IGFL2: variants seen among roughly 807,000 people sequenced by gnomAD.
IGFL2 encodes the protein IGF like family member 2.
A neutral mutation model predicts 13.9 loss-of-function variants in IGFL2; 7 were observed. The observed-to-expected ratio is 0.51, with a 90% CI of 0.29 to 0.95. The LOEUF is 0.95. Among genes scored for constraint, IGFL2 ranks in the 40% least tolerant of loss-of-function variants. The pLI is 0.08. For synonymous variants in IGFL2, 55 were observed against 55.8 expected, an observed-to-expected ratio of 0.99 and a Z score of 0.07; for missense variants, 138 against 147.8, an observed-to-expected ratio of 0.93 and a Z score of 0.34.
the IGFL2 span, among the ~76,000 whole-genome samples, chr19:46,185,966 G>T: frequency 1.3e-5 from 2 of 152,064 alleles, no homozygotes; most frequent in Non-Finnish European, 2.9e-5. Context: ...GGCTATGGTG[G>T]GCGTCATCGG....
chr19:46,095,003 T>C, the IGFL2 span, among the ~76,000 whole-genome samples: 1 of 152,220 alleles, frequency 6.6e-6, no homozygotes, highest in Non-Finnish European at 1.5e-5. Flanking sequence ...TGTGCATGTA[T>C]CTTTATAATA....
chr19:46,121,516 T>G, the IGFL2 span, among the ~76,000 whole-genome samples: 2,094 of 147,658 alleles, frequency 0.014, 74 homozygotes, highest in Non-Finnish European at 0.025. Context: ...CTGAGAGGAG[T>G]AGTATTTTCT....
the IGFL2 span, among the ~76,000 whole-genome samples, chr19:46,117,610 C>G: frequency 6.6e-6 from 1 of 152,114 alleles, no homozygotes; most frequent in Non-Finnish European, 1.5e-5. Flanking sequence ...TCTCAAGTAG[C>G]TGGGACTACA....
chr19:46,171,519 G>A, the IGFL2 span, among the ~76,000 whole-genome samples: 1 of 152,148 alleles, frequency 6.6e-6, no homozygotes, highest in Non-Finnish European at 1.5e-5. Context: ...TCAGAGTATT[G>A]TGTCTTATTT....
At chr19:46,151,864 A>G (rs993375790) in intron 1 of IGFL2, among the ~76,000 whole-genome samples, 1 of 152,190 alleles carries the variant, frequency 6.6e-6, no homozygotes, top group Admixed American at 6.5e-5. Context: ...GTGAGTCATG[A>G]TCACGCCACT....
downstream of IGFL2, among the ~76,000 whole-genome samples, chr19:46,164,368 C>A (rs564304249): frequency 6.6e-6 from 1 of 152,204 alleles, no homozygotes; most frequent in Non-Finnish European, 1.5e-5. Context: ...ACCTCTTCTG[C>A]CCCCAGTCAG....
chr19:46,116,447 A>C, the IGFL2 span, among the ~76,000 whole-genome samples: 2 of 152,264 alleles, frequency 1.3e-5, no homozygotes, highest in Admixed American at 1.3e-4. Context: ...TCTAGCAAAT[A>C]AGAACAATGT....
the IGFL2 span, chr19:46,124,494 C>G: frequency 8.7e-7 from 1 of 1,152,174 alleles, no homozygotes; most frequent in East Asian, 2.4e-5. Context: ...GCTCAGTCAC[C>G]CTTTGAGGTG....
At chr19:46,081,500 T>G in the IGFL2 span, among the ~76,000 whole-genome samples, 2 of 152,210 alleles carry the variant, frequency 1.3e-5, no homozygotes, top group Non-Finnish European at 2.9e-5. Context: ...AATCCAGAAT[T>G]CAGTGTTGCA....
Position 46,158,259 on chromosome 19 carries a change from G to A in IGFL2, c.20-2156G>A, listed in dbSNP as rs533220697. 9.9e-4 allele frequency among the ~76,000 whole-genome samples: 150 copies of A among 152,182 alleles called. 1 individual carries two copies. The highest frequency in any genetic ancestry group is 3.5e-3 in the African/African-American group (145 of 41,524). Reference sequence around the variant, plus strand: ...GTGTCACTCTGTCACCTAGACAGGAGTGCAGTGGCGCGATCTTGGCTCACT... The same window carrying A: ...GTGTCACTCTGTCACCTAGACAGGAATGCAGTGGCGCGATCTTGGCTCACT... On this transcript the variant is annotated intron_variant, in intron 1 of 3. Transcript: ENST00000377693.
chr19:46,113,647 A>G, the IGFL2 span: 1 of 253,210 alleles, frequency 3.9e-6, no homozygotes, highest in South Asian at 5.6e-5. Flanking sequence ...CTGTATGAAA[A>G]CCAGCTTTAC....
the IGFL2 span, among the ~76,000 whole-genome samples, chr19:46,202,101 A>G: frequency 5.3e-5 from 8 of 152,104 alleles, no homozygotes; most frequent in African/African-American, 1.4e-4. Flanking sequence ...AGAAGATTTA[A>G]AGGACTCAGA....
the IGFL2 span, among the ~76,000 whole-genome samples, chr19:46,105,577 C>T: frequency 1.3e-4 from 20 of 152,144 alleles, 1 homozygote; most frequent in South Asian, 2.3e-3. Flanking sequence ...GATTGAAGTC[C>T]GGGCCAGGAA....
intron 1 of IGFL2, among the ~76,000 whole-genome samples, chr19:46,151,458 T>C (rs1281722946): frequency 3.9e-5 from 6 of 152,260 alleles, no homozygotes; most frequent in African/African-American, 1.2e-4. Context: ...GATCTATATG[T>C]CTATCCTGTG....
the IGFL2 span, chr19:46,208,007 G>A: frequency 1.3e-5 from 2 of 152,146 alleles, no homozygotes; most frequent in Non-Finnish European, 2.9e-5. Flanking sequence ...CCGCATCTTG[G>A]GCTGCACTCT....
chr19:46,158,330 C>A (rs567183724), intron 1 of IGFL2, among the ~76,000 whole-genome samples: 23 of 151,898 alleles, frequency 1.5e-4, no homozygotes, highest in Non-Finnish European at 1.0e-4. Context: ...TGCCTCAGGC[C>A]CCCTAGTAGC....
the IGFL2 span, among the ~76,000 whole-genome samples, chr19:46,127,407 A>G: frequency 2.0e-5 from 3 of 152,198 alleles, no homozygotes; most frequent in South Asian, 2.1e-4. Context: ...AGAACAAAAT[A>G]TACACATCTT....
chr19:46,204,088 C>A, the IGFL2 span: 18 of 152,246 alleles, frequency 1.2e-4, no homozygotes, highest in African/African-American at 4.3e-4. Context: ...TCCCTGAGGC[C>A]AGGTGGAAAT....
chr19:46,141,252 A>G (rs7254777), upstream of IGFL2, among the ~76,000 whole-genome samples: 96,380 of 151,968 alleles, frequency 0.63, 31,481 homozygotes, highest in African/African-American at 0.71. Context: ...GATCCATGGG[A>G]AATTGTCTCT....
Sources: gnomAD v4.1 joint callset for allele counts (sites outside exome capture counted in the v4.1 genomes callset) on GRCh38, gnomAD v4.1.1 for gene constraint, MANE v1.5 for transcripts, NCBI Gene and HGNC (gene_info 2026-07-23, HGNC 2026-07-21) for gene names.